FHIT: variants seen among roughly 807,000 people sequenced by gnomAD.
The protein encoded by FHIT is bis(5'-adenosyl)-triphosphatase.
A neutral mutation model predicts 17.9 loss-of-function variants in FHIT; 19 were observed. The observed-to-expected ratio is 1.06, with a 90% CI of 0.74 to 1.56. The LOEUF (loss-of-function observed/expected upper bound fraction) is 1.56. FHIT is among the 40% of genes most tolerant of loss of function. The probability of loss-of-function intolerance (pLI) is 0.00; values close to 1 mark genes in which losing one functional copy is unlikely to be tolerated. For missense variants in FHIT, 248 were observed against 189.2 expected, an observed-to-expected ratio of 1.31 and a Z score of -1.82; for synonymous variants, 81 against 69.7, an observed-to-expected ratio of 1.16 and a Z score of -0.81.
intron 4 of FHIT, among the ~76,000 whole-genome samples, chr3:60,569,736 T>TATATATATATATATATATAC (rs2037292520): frequency 4.3e-5 from 2 of 46,278 alleles, no homozygotes; most frequent in Admixed American, 2.6e-4. Context: ...TATATATATA[T>TATATATATATATATATATAC]ATATATATAT....
chr3:61,145,949 T>C (rs1331302134), intron 2 of FHIT, among the ~76,000 whole-genome samples: 1 of 152,020 alleles, frequency 6.6e-6, no homozygotes, highest in Non-Finnish European at 1.5e-5. Flanking sequence ...TTTTAAATTA[T>C]TTTGTCCCCA....
At chr3:60,046,461 C>G (rs887475392) in intron 5 of FHIT, among the ~76,000 whole-genome samples, 3 of 152,194 alleles carry the variant, frequency 2.0e-5, no homozygotes, top group Non-Finnish European at 4.4e-5. Context: ...GGCCAGCTGA[C>G]AGCAGAAGTT....
chr3:59,860,779 A>G (rs1256205227), intron 8 of FHIT, among the ~76,000 whole-genome samples: 1 of 152,186 alleles, frequency 6.6e-6, no homozygotes, highest in Non-Finnish European at 1.5e-5. Flanking sequence ...AGGTGTGAGG[A>G]AACTTCAGAA....
At chr3:60,454,076 A>G (rs942177604) in intron 5 of FHIT, among the ~76,000 whole-genome samples, 15 of 152,184 alleles carry the variant, frequency 9.9e-5, no homozygotes, top group Admixed American at 7.9e-4. Context: ...AACCCTAGCC[A>G]TGCTGATGAT....
chr3:60,651,040 C>G (rs782064902), intron 4 of FHIT, among the ~76,000 whole-genome samples: 1 of 151,948 alleles, frequency 6.6e-6, no homozygotes, highest in Non-Finnish European at 1.5e-5. Flanking sequence ...TTTATGAATT[C>G]ATTAAAAACT....
intron 5 of FHIT, among the ~76,000 whole-genome samples, chr3:60,018,823 C>CA (rs11445812): frequency 0.25 from 37,354 of 151,460 alleles, 4,875 homozygotes; most frequent in East Asian, 0.48. Context: ...ACTAAAAATA[C>CA]AAAAAAAACA....
rs140162334 is a variant in FHIT, at chr3:59,868,824, A to G, written c.348+53522T>C. ...AATTACTCAAGCTCAGTGAGCCCAC[A>G]TTGAAGAAGGAGAAGGAGAAGAAGA... On this transcript the variant is annotated intron_variant, in intron 8 of 9. Transcript: ENST00000492590. Among the ~76,000 whole-genome samples the G allele has an allele frequency of 7.9e-5, 12 of 152,306 alleles. No individual in the cohort carries two copies. The East Asian group carries it at 1.9e-3, about 25-fold the overall frequency.
chr3:60,632,160 C>G (rs950266108), intron 4 of FHIT, among the ~76,000 whole-genome samples: 2 of 151,940 alleles, frequency 1.3e-5, no homozygotes, highest in Admixed American at 1.3e-4. Context: ...TGAAGACAGC[C>G]ACAGACATCT....
Position 61,245,881 on chromosome 3 carries a change from T to C in FHIT, c.-213+5420A>G, listed in dbSNP as rs377082715. Among the ~76,000 whole-genome samples the C allele has an allele frequency of 3.3e-5, 5 of 152,250 alleles. No homozygotes were observed. In the South Asian group the frequency reaches 1.0e-3, roughly 32 times the overall value. On this transcript the variant is annotated intron_variant, in intron 1 of 9. Coordinates refer to ENST00000492590, the MANE Select transcript of FHIT (RefSeq NM_002012.4). ...CATCTTCAATAGGGGCTGAGTAAAA[T>C]AAGGCTGAGATCTACTAGGCTGCAT... is the stretch of plus-strand genomic sequence containing the variant.
chr3:60,830,545 T>A (rs1454715316), intron 3 of FHIT, among the ~76,000 whole-genome samples: 1 of 152,180 alleles, frequency 6.6e-6, no homozygotes, highest in African/African-American at 2.4e-5. Context: ...CAATTTTAAT[T>A]AATGTCTAAG....
chr3:60,366,186 G>A (rs543430964), intron 5 of FHIT, among the ~76,000 whole-genome samples: 6 of 152,224 alleles, frequency 3.9e-5, no homozygotes, highest in East Asian at 3.9e-4. Flanking sequence ...CAGTCCCTCC[G>A]CCTTTTTGAG....
chr3:59,986,578 C>CATATAT (rs1388906380), intron 7 of FHIT, among the ~76,000 whole-genome samples: 9 of 58,348 alleles, frequency 1.5e-4, no homozygotes, highest in African/African-American at 8.5e-4. Context: ...CATATATACA[C>CATATAT]ACACACACAC....
chr3:61,217,559 C>A (rs1001925320), intron 1 of FHIT, among the ~76,000 whole-genome samples: 1 of 152,170 alleles, frequency 6.6e-6, no homozygotes, highest in Non-Finnish European at 1.5e-5. Context: ...ACCATTTACA[C>A]TGCACTCCAC....
chr3:59,979,924 A>C (rs1337599743), intron 7 of FHIT, among the ~76,000 whole-genome samples: 1 of 152,204 alleles, frequency 6.6e-6, no homozygotes, highest in Non-Finnish European at 1.5e-5. Flanking sequence ...GCTCTTCTCC[A>C]GTCCTTCCCA....
At chr3:60,165,199 A>C (rs115889921) in intron 5 of FHIT, among the ~76,000 whole-genome samples, 147 of 152,270 alleles carry the variant, frequency 9.7e-4, no homozygotes, top group African/African-American at 3.4e-3. Flanking sequence ...GAAGCTGCTG[A>C]TGCTACTCCC....
At chr3:60,085,236 A>G (rs1703446431) in intron 5 of FHIT, among the ~76,000 whole-genome samples, 1 of 152,158 alleles carries the variant, frequency 6.6e-6, no homozygotes, top group Non-Finnish European at 1.5e-5. Context: ...CTTCAGAGAT[A>G]AAAGACGGGT....
At chr3:59,994,581 A>T (rs1699426400) in intron 7 of FHIT, among the ~76,000 whole-genome samples, 1 of 152,118 alleles carries the variant, frequency 6.6e-6, no homozygotes, top group Non-Finnish European at 1.5e-5. Flanking sequence ...TGCCCTCATT[A>T]GCTGACAACC....
At chr3:59,881,362 T>C (rs1703403121) in intron 8 of FHIT, among the ~76,000 whole-genome samples, 1 of 152,154 alleles carries the variant, frequency 6.6e-6, no homozygotes, top group African/African-American at 2.4e-5. Context: ...AATTTGTGAA[T>C]AAAAATGTCT....
At chr3:60,013,919 C>A in intron 6 of FHIT, 88 bp downstream of exon 6, 1 of 1,308,704 alleles carries the variant, frequency 7.6e-7, no homozygotes, top group Non-Finnish European at 1.1e-6. Flanking sequence ...ATCACATCTG[C>A]CCTCCTGGTA....
Sources: gnomAD v4.1 joint callset for allele counts (sites outside exome capture counted in the v4.1 genomes callset) on GRCh38, gnomAD v4.1.1 for gene constraint, MANE v1.5 for transcripts, NCBI Gene and HGNC (gene_info 2026-07-23, HGNC 2026-07-21) for gene names.